The following FOXL2 variants were observed in gnomAD, a reference collection of about 807,000 sequenced individuals.
The protein encoded by FOXL2 is forkhead box L2, also known as forkhead box protein L2.
Under a neutral mutation model 2.5 loss-of-function variants are expected in FOXL2, and 3 were observed. The ratio of observed to expected loss-of-function variants is 1.20; its 90% CI spans 0.55 to 3.11. The LOEUF (loss-of-function observed/expected upper bound fraction) is 3.11, where lower values mean the gene tolerates loss of function less well. FOXL2 is among the 30% of genes most tolerant of loss of function. The pLI, the probability that FOXL2 is intolerant of heterozygous loss-of-function variation, is 0.03. For missense variants in FOXL2, 512 were observed against 570.0 expected (o/e 0.90, Z 1.04); for synonymous variants, 315 against 269.4 (o/e 1.17, Z -1.66).
chr3:138,945,491 G>A lies in FOXL2; in HGVS notation c.*101C>T, dbSNP rs1935933177. 1 of 1,508,184 alleles carries A rather than the reference G, an allele frequency of 6.6e-7. No homozygotes were observed. Among genetic ancestry groups the A allele is most frequent in the Non-Finnish European group, 8.9e-7 (1 of 1,121,374 alleles). The allele number at this position is 1,508,184 out of a possible 1,614,324, so 93.4% of individuals were successfully genotyped here. ...CTGGCTCCAGAGGCGGGCCCAGAGG[G>A]TGTGAGGTCAGGCTGGCGGCGGCGT... is the stretch of plus-strand genomic sequence containing the variant. On this transcript the variant is annotated 3_prime_UTR_variant, in exon 1 of 1. Transcript: ENST00000648323.
In FOXL2 at chr3:138,945,239, G is replaced by GGATATGT; in HGVS notation, c.*352_*353insACATATC. 1 of 245,950 alleles carries GGATATGT rather than the reference G, an allele frequency of 4.1e-6. No individual in the cohort carries two copies. 15.2% of individuals were successfully genotyped at this position (245,950 alleles called of 1,614,324 possible). On this transcript the variant is annotated 3_prime_UTR_variant, in exon 1 of 1. Transcript: ENST00000648323. ...CAAGAGGTCTGCGCTGCCGACGCCC[G>GGATATGT]GTCGCACCTCCGCCCCGGGCCCTTT... is the stretch of plus-strand genomic sequence containing the variant.
In FOXL2 at chr3:138,945,970, C is replaced by A. The variant is rs776899007; in HGVS notation, c.753G>T (p.Pro251=). ...AAAVVKGLAG[P]AASYGPYTRV... ...GTGTGTACGGCCCGTACGAGGCGGCCGGGCCCGCCAGCCCCTTGACCACAG... is the reference window on the plus strand; with the variant it reads ...GTGTGTACGGCCCGTACGAGGCGGCAGGGCCCGCCAGCCCCTTGACCACAG... Residue 251 remains proline, a synonymous_variant, in exon 1 of 1, where the codon CCG becomes CCT. Coordinates refer to ENST00000648323, the MANE Select transcript of FOXL2 (RefSeq NM_023067.4). 11 of 1,400,684 alleles carry A rather than the reference C, an allele frequency of 7.9e-6. No homozygotes were observed. In the South Asian group the frequency reaches 1.5e-4, roughly 19 times the overall value. The allele number at this position is 1,400,684 out of a possible 1,614,324, so 86.8% of individuals were successfully genotyped here.
Position 138,945,614 on chromosome 3 carries a change from A to G in FOXL2, c.1109T>C (p.Leu370Pro). ...CTCTCAGAGATCGAGGCGCGAATGC[A>G]GCGCGCCGGTCTTGCTGTCGTGGTC... Reference protein sequence around the residue: ...YWDHDSKTGALHSRLDL With the variant: ...YWDHDSKTGAPHSRLDL Residue 370 changes from leucine to proline, a missense_variant, in exon 1 of 1, where the codon CTG becomes CCG. By Grantham distance (98) the Leu-to-Pro change is moderately conservative. Coordinates refer to ENST00000648323, the MANE Select transcript of FOXL2 (RefSeq NM_023067.4). The G allele has an allele frequency of 1.2e-6, 2 of 1,610,300 alleles. No homozygotes were observed. The highest frequency in any genetic ancestry group is 1.7e-6 in the Non-Finnish European group (2 of 1,178,240).
At position 138,945,817 on chromosome 3, in the gene FOXL2, G is replaced by C. The variant is rs924253077; in HGVS notation, c.906C>G (p.Ala302=). 8.3e-7 allele frequency: 1 copy of C among 1,199,672 alleles called. No homozygotes were observed. The highest frequency in any genetic ancestry group is 1.0e-6 in the Non-Finnish European group (1 of 966,260). 74.3% of individuals were successfully genotyped at this position (1,199,672 alleles called of 1,614,324 possible). A position where few individuals can be genotyped will look rare whatever the true frequency, so the allele number is the denominator to read the frequency against. The change falls in exon 1 of 1, where the codon GCC becomes GCG. Residue 302 remains alanine, a synonymous_variant. Coordinates refer to ENST00000648323, the MANE Select transcript of FOXL2 (RefSeq NM_023067.4). Reference sequence around the variant, plus strand: ...GCGGTGGGGCAGGCGGCGGTGCGGCGGCCGCGTGCAGATGGTGTGCGTGCG... The same window carrying C: ...GCGGTGGGGCAGGCGGCGGTGCGGCCGCCGCGTGCAGATGGTGTGCGTGCG... The part of the protein sequence containing the change: ...PHPHAHHLHA[A]AAPPPAPPHH...
At position 138,945,469 on chromosome 3, in the gene FOXL2, G is replaced by C; in HGVS notation, c.*123C>G. On this transcript the variant is annotated 3_prime_UTR_variant, in exon 1 of 1. Transcript: ENST00000648323. ...AAGCACAGAGGGACCCTGGGCGCTG[G>C]CTCCAGAGGCGGGCCCAGAGGGTGT... 6.8e-7 allele frequency: 1 copy of C among 1,480,900 alleles called. No individual in the cohort carries two copies. Among genetic ancestry groups the C allele is most frequent in the East Asian group, 2.4e-5 (1 of 41,492 alleles). 91.7% of individuals were successfully genotyped at this position (1,480,900 alleles called of 1,614,324 possible). A position where few individuals can be genotyped will look rare whatever the true frequency, so the allele number is the denominator to read the frequency against.
rs7432551 is a variant in FOXL2, at chr3:138,946,187, G to A, written c.536C>T (p.Ala179Val). 3 of 1,488,846 alleles carry A rather than the reference G, an allele frequency of 2.0e-6. No homozygotes were observed. The highest frequency in any genetic ancestry group is 2.4e-5 in the Admixed American group (1 of 42,148). 92.2% of individuals were successfully genotyped at this position (1,488,846 alleles called of 1,614,324 possible). A position where few individuals can be genotyped will look rare whatever the true frequency, so the allele number is the denominator to read the frequency against. ...AGGAAGGCGV[A>V]GAGADGYGYL... ...GCCGTAGCCGTCGGCCCCGGCGCCC[G>A]CCACGCCGCACCCGCCTGCGGCGCC... Residue 179 changes from alanine to valine, a missense_variant, in exon 1 of 1, where the codon GCG (alanine) becomes GTG (valine). This residue lies in a region of FOXL2 where 287 missense variants were observed against 277.4 expected (regional missense o/e 1.03). Coordinates refer to ENST00000648323, the MANE Select transcript of FOXL2 (RefSeq NM_023067.4).
rs1360097202 is a variant in FOXL2, at chr3:138,944,495, T to C, written c.*1097A>G. 2 of 233,120 alleles carry C rather than the reference T, an allele frequency of 8.6e-6. No homozygotes were observed. Among genetic ancestry groups the C allele is most frequent in the Non-Finnish European group, 8.5e-6 (1 of 117,730 alleles). The allele number at this position is 233,120 out of a possible 1,614,324, so 14.4% of individuals were successfully genotyped here. A position where few individuals can be genotyped will look rare whatever the true frequency, so the allele number is the denominator to read the frequency against. On this transcript the variant is annotated 3_prime_UTR_variant, in exon 1 of 1. Coordinates refer to ENST00000648323, the MANE Select transcript of FOXL2 (RefSeq NM_023067.4). The stretch of plus-strand genomic sequence containing the variant: ...AACAAAAAGCAGGGAGGACGAGCCG[T>C]CCCAGCAGCGTGGGCCAGGCAGGCA...
chr3:138,945,001 G>A lies in FOXL2; in HGVS notation c.*591C>T, dbSNP rs115665190. On this transcript the variant is annotated 3_prime_UTR_variant, in exon 1 of 1. Transcript: ENST00000648323. Reference sequence around the variant, plus strand: ...GAGCCAGGCTGCCCCGGCTCCCGCTGGGTCCCAACCCCCGCCCCGCCTAGT... The same window carrying A: ...GAGCCAGGCTGCCCCGGCTCCCGCTAGGTCCCAACCCCCGCCCCGCCTAGT... 3,425 of 232,904 alleles carry A rather than the reference G, an allele frequency of 0.015. 104 individuals are homozygous for A. The highest frequency in any genetic ancestry group is 0.068 in the African/African-American group (3,107 of 45,430). 14.4% of individuals were successfully genotyped at this position (232,904 alleles called of 1,614,324 possible).
Position 138,944,593 on chromosome 3 carries a change from G to T in FOXL2, c.*999C>A, listed in dbSNP as rs778894197. 3.4e-5 allele frequency: 8 copies of T among 233,022 alleles called. No individual in the cohort carries two copies. The highest frequency in any genetic ancestry group is 6.8e-5 in the Non-Finnish European group (8 of 117,946). The allele number at this position is 233,022 out of a possible 1,614,324, so 14.4% of individuals were successfully genotyped here. ...TGTTTTTGATTTTTTTCTTCAGATA[G>T]GGAGAGGGTGAAACTTCCCCAATTG... On this transcript the variant is annotated 3_prime_UTR_variant, in exon 1 of 1. Coordinates refer to ENST00000648323, the MANE Select transcript of FOXL2 (RefSeq NM_023067.4).
At position 138,944,271 on chromosome 3, in the gene FOXL2, AC is replaced by A. The variant is rs535856383; in HGVS notation, c.*1320del. ...TATTCGGGAATCGACAAGGCAAAAAACAAAAACAAAACAAAAAAACACAACA... is the reference window on the plus strand; with the variant it reads ...TATTCGGGAATCGACAAGGCAAAAAAAAAAACAAAACAAAAAAACACAACA... On this transcript the variant is annotated 3_prime_UTR_variant, in exon 1 of 1. Coordinates refer to ENST00000648323, the MANE Select transcript of FOXL2 (RefSeq NM_023067.4). 4.5e-3 allele frequency: 1,053 copies of A among 233,186 alleles called. 8 individuals are homozygous for A. The highest frequency in any genetic ancestry group is 0.019 in the African/African-American group (845 of 45,434). The allele number at this position is 233,186 out of a possible 1,614,324, so 14.4% of individuals were successfully genotyped here. A position where few individuals can be genotyped will look rare whatever the true frequency, so the allele number is the denominator to read the frequency against.
In FOXL2 at chr3:138,945,475, G is replaced by C; in HGVS notation, c.*117C>G. 1 of 1,482,576 alleles carries C rather than the reference G, an allele frequency of 6.7e-7. No individual in the cohort carries two copies. The highest frequency in any genetic ancestry group is 9.0e-7 in the Non-Finnish European group (1 of 1,105,508). 91.8% of individuals were successfully genotyped at this position (1,482,576 alleles called of 1,614,324 possible). A position where few individuals can be genotyped will look rare whatever the true frequency, so the allele number is the denominator to read the frequency against. ...AGAGGGACCCTGGGCGCTGGCTCCAGAGGCGGGCCCAGAGGGTGTGAGGTC... is the reference window on the plus strand; with the variant it reads ...AGAGGGACCCTGGGCGCTGGCTCCACAGGCGGGCCCAGAGGGTGTGAGGTC... On this transcript the variant is annotated 3_prime_UTR_variant, in exon 1 of 1. Transcript: ENST00000648323.
rs754432837 is a variant in FOXL2, at chr3:138,946,030, AGCCGCAGCTGCTGCAGCCGCTGCGGCT to A, written c.666_692del (p.Ala226_Ala234del). On this transcript the variant is annotated inframe_deletion, in exon 1 of 1. Coordinates refer to ENST00000648323, the MANE Select transcript of FOXL2 (RefSeq NM_023067.4). ...CAGGGCTACCGGGGCCCGCGGCTGC[AGCCGCAGCTGCTGCAGCCGCTGCGGCT>A]GCCGCCATCTGGCAGGAGGCATAGG... 2 of 1,390,032 alleles carry A rather than the reference AGCCGCAGCTGCTGCAGCCGCTGCGGCT, an allele frequency of 1.4e-6. No individual in the cohort carries two copies. Among genetic ancestry groups the A allele is most frequent in the Non-Finnish European group, 1.8e-6 (2 of 1,084,372 alleles). The allele number at this position is 1,390,032 out of a possible 1,614,324, so 86.1% of individuals were successfully genotyped here. A position where few individuals can be genotyped will look rare whatever the true frequency, so the allele number is the denominator to read the frequency against.
Position 138,946,478 on chromosome 3 carries a change from T to C in FOXL2, c.245A>G (p.Gln82Arg). Reference protein sequence around the residue: ...EKRLTLSGIYQYIIAKFPFYE... With the variant: ...EKRLTLSGIYRYIIAKFPFYE... ...GAACGGGAACTTCGCGATGATGTAC[T>C]GGTAGATGCCGGACAGCGTGAGCCT... is the stretch of plus-strand genomic sequence containing the variant. Residue 82 changes from glutamine to arginine, a missense_variant, in exon 1 of 1, where the codon CAG (glutamine) becomes CGG (arginine). Around this residue, in one of 5 missense-constraint regions of FOXL2, gnomAD observed 63 missense variants for 138.9 expected, o/e 0.45. Coordinates refer to ENST00000648323, the MANE Select transcript of FOXL2 (RefSeq NM_023067.4). 1.9e-6 allele frequency: 3 copies of C among 1,614,144 alleles called. No individual in the cohort carries two copies. Among genetic ancestry groups the C allele is most frequent in the Non-Finnish European group, 2.5e-6 (3 of 1,180,010 alleles).
Position 138,945,311 on chromosome 3 carries a change from A to G in FOXL2, c.*281T>C. 1 of 314,134 alleles carries G rather than the reference A, an allele frequency of 3.2e-6. No homozygotes were observed. Among genetic ancestry groups the G allele is most frequent in the Non-Finnish European group, 5.7e-6 (1 of 174,846 alleles). 19.5% of individuals were successfully genotyped at this position (314,134 alleles called of 1,614,324 possible). Reference sequence around the variant, plus strand: ...GACGCTGGGGCTCCGGAAAGAGACGAGCCCAGTAGAAAGCGCGCAGAGAGG... The same window carrying G: ...GACGCTGGGGCTCCGGAAAGAGACGGGCCCAGTAGAAAGCGCGCAGAGAGG... On this transcript the variant is annotated 3_prime_UTR_variant, in exon 1 of 1. Coordinates refer to ENST00000648323, the MANE Select transcript of FOXL2 (RefSeq NM_023067.4).
chr3:138,946,278 T>TGCG lies in FOXL2; in HGVS notation c.442_444dup (p.Arg148dup). ...GGCGGCGGCCGGAAGGGCCTCTTCA[T>TGCG]GCGGCGGCGGCGCCGGTAGTTGCCC... is the stretch of plus-strand genomic sequence containing the variant. On this transcript the variant is annotated inframe_insertion, in exon 1 of 1. Transcript: ENST00000648323. 6.2e-7 allele frequency: 1 copy of TGCG among 1,608,386 alleles called. No individual in the cohort carries two copies. The highest frequency in any genetic ancestry group is 8.5e-7 in the Non-Finnish European group (1 of 1,177,764).
chr3:138,944,890 A>C lies in FOXL2; in HGVS notation c.*702T>G. ...ACATTAGCCAGCCGCCGGGGCCCGG[A>C]GGTGCCCGAAGCGACGGGACTGATA... On this transcript the variant is annotated 3_prime_UTR_variant, in exon 1 of 1. Transcript: ENST00000648323. The C allele has an allele frequency of 4.3e-6, 1 of 231,608 alleles. No individual in the cohort carries two copies. Among genetic ancestry groups the C allele is most frequent in the Non-Finnish European group, 8.5e-6 (1 of 117,308 alleles). 14.3% of individuals were successfully genotyped at this position (231,608 alleles called of 1,614,324 possible).
rs1206761047 is a variant in FOXL2, at chr3:138,946,604, C to A, written c.119G>T (p.Gly40Val). The A allele has an allele frequency of 6.2e-7, 1 of 1,603,870 alleles. No homozygotes were observed. The highest frequency in any genetic ancestry group is 8.5e-7 in the Non-Finnish European group (1 of 1,177,746). ...CTTCTCCGGGGCTGTCCCGCCGCCACCCCCACCGCCCTTGCCTGGGCTCGG... is the reference window on the plus strand; with the variant it reads ...CTTCTCCGGGGCTGTCCCGCCGCCAACCCCACCGCCCTTGCCTGGGCTCGG... Reference protein sequence around the residue: ...PPPSPGKGGGGGGGTAPEKPD... With the variant: ...PPPSPGKGGGVGGGTAPEKPD... Residue 40 changes from glycine (G) to valine (V), a missense_variant, in exon 1 of 1, where the codon GGT becomes GTT. Coordinates refer to ENST00000648323, the MANE Select transcript of FOXL2 (RefSeq NM_023067.4).
rs1935906033 is a variant in FOXL2, at chr3:138,944,390, G to A, written c.*1202C>T. 4.3e-6 allele frequency: 1 copy of A among 232,988 alleles called. No individual in the cohort carries two copies. Among genetic ancestry groups the A allele is most frequent in the Non-Finnish European group, 8.5e-6 (1 of 117,686 alleles). The allele number at this position is 232,988 out of a possible 1,614,324, so 14.4% of individuals were successfully genotyped here. A position where few individuals can be genotyped will look rare whatever the true frequency, so the allele number is the denominator to read the frequency against. ...TGGTTTTCGGGCCGGGCCGGCTCCG[G>A]GCCACAAGACCGCCTAGGTCGGCCG... is the stretch of plus-strand genomic sequence containing the variant. On this transcript the variant is annotated 3_prime_UTR_variant, in exon 1 of 1. Coordinates refer to ENST00000648323, the MANE Select transcript of FOXL2 (RefSeq NM_023067.4).
chr3:138,945,740 G>C lies in FOXL2; in HGVS notation c.983C>G (p.Ala328Gly), dbSNP rs1388561663. The C allele has an allele frequency of 2.2e-6, 3 of 1,384,862 alleles. No homozygotes were observed. The Admixed American group carries it at 7.0e-5, about 32-fold the overall frequency. 85.8% of individuals were successfully genotyped at this position (1,384,862 alleles called of 1,614,324 possible). The change falls in exon 1 of 1, where the codon GCC (alanine) becomes GGC (glycine). Residue 328 changes from alanine to glycine, a missense_variant. Physicochemically the swap from Ala to Gly is moderately conservative, Grantham distance 60. Transcript: ENST00000648323. ...PPGQLSPASP[A>G]TAAPPAPAPT... ...CGCGGGCGCCGGGGGCGCGGCGGTG[G>C]CTGGGCTGGCAGGGCTGAGCTGGCC... is the stretch of plus-strand genomic sequence containing the variant.
Sources: gnomAD v4.1 joint callset for allele counts on GRCh38, gnomAD v4.1.1 for gene constraint, gnomAD v4.1.1 regional missense constraint, MANE v1.5 for transcripts, NCBI Gene and HGNC (gene_info 2026-07-23, HGNC 2026-07-21) for gene names.